Variants in GAD1 observed in about 807,000 individuals in gnomAD.
GAD1 encodes the protein glutamate decarboxylase 1, also known as 67 kDa glutamic acid decarboxylase.
Under a neutral mutation model 75.2 loss-of-function variants are expected in GAD1, and 35 were observed. That is an observed-to-expected ratio of 0.47 (90% CI 0.36 to 0.62). The LOEUF is 0.62. Ranked by LOEUF, GAD1 falls within the 20% of genes least tolerant of loss-of-function variation. The probability of loss-of-function intolerance (pLI) is 0.00; values close to 1 mark genes in which losing one functional copy is unlikely to be tolerated. For synonymous variants in GAD1, 257 were observed against 271.9 expected, an observed-to-expected ratio of 0.95 and a Z score of 0.54; for missense variants, 490 against 758.5, an observed-to-expected ratio of 0.65 and a Z score of 4.16.
At chr2:170,855,490 G>A (rs1055023185) in intron 14 of GAD1, among the ~76,000 whole-genome samples, 1 of 151,734 alleles carries the variant, frequency 6.6e-6, no homozygotes, top group Non-Finnish European at 1.5e-5. Context: ...TTACAGGCGT[G>A]AGCCACCGCA....
chr2:170,827,901 G>C (rs1223464835), intron 3 of GAD1, among the ~76,000 whole-genome samples: 1 of 152,130 alleles, frequency 6.6e-6, no homozygotes, highest in Non-Finnish European at 1.5e-5. Flanking sequence ...TTCAAGGAGA[G>C]GGGGTGGTGC....
At chr2:170,842,865 T>C (rs1702547772) in intron 6 of GAD1, 3 of 732,676 alleles carry the variant, frequency 4.1e-6, no homozygotes, top group Middle Eastern at 3.9e-4. Context: ...CTGTGTCTTA[T>C]GTAAAACAAT....
rs754891860 is a variant in GAD1 at position 170,836,868 on chromosome 2, C to T, written c.623C>T (p.Thr208Met). The T allele has an allele frequency of 1.4e-5, 23 of 1,612,310 alleles. No homozygotes were observed. The highest frequency in any genetic ancestry group is 1.3e-4 in the Admixed American group (8 of 59,990). The change falls in exon 6 of 17, where the codon ACG becomes ATG. Residue 208 changes from threonine to methionine, a missense_variant. Thr to Met is a moderately conservative substitution (Grantham distance 81). Transcript: ENST00000358196. ...IGLAGEWLTS[T>M]ANTNMFTYEI... ...CTAGCTGGAGAATGGCTGACATCAA[C>T]GGCCAATACCAACATGTAAGTCTCA...
chr2:170,859,647 T>A (rs186144501), intron 16 of GAD1, 62 bp from the exon 17 acceptor site: 1 of 1,530,216 alleles, frequency 6.5e-7, no homozygotes, highest in African/African-American at 1.4e-5. Flanking sequence ...TTGGGTTGAA[T>A]TGTTAAAAAG....
rs977181483 is a variant in GAD1 at position 170,857,145 on chromosome 2, C to T, written c.1521+20C>T. 1.3e-6 allele frequency: 2 copies of T among 1,573,714 alleles called. No homozygotes were observed. Among genetic ancestry groups the T allele is most frequent in the African/African-American group, 1.4e-5 (1 of 73,972 alleles). The stretch of plus-strand genomic sequence containing the variant: ...GGCGAGGTAGGTAATCATCATGGAC[C>T]AGGTACACAGTATTTCCAGAAAAAC... On this transcript the variant is annotated intron_variant, in intron 15 of 16. Transcript: ENST00000358196.
chr2:170,852,416 G>A, intron 12 of GAD1: 1 of 424,626 alleles, frequency 2.4e-6, no homozygotes, highest in Non-Finnish European at 4.4e-6. Flanking sequence ...TCCAAAGCCT[G>A]AATTCTTAAC....
chr2:170,829,686 G>T, intron 4 of GAD1, 53 bp downstream of exon 4: 3 of 1,587,154 alleles, frequency 1.9e-6, no homozygotes, highest in Non-Finnish European at 2.6e-6. Flanking sequence ...TCTTATTTGA[G>T]TTTCTTGACT....
chr2:170,831,725 T>TAA (rs201452219), intron 5 of GAD1, among the ~76,000 whole-genome samples: 7,858 of 142,788 alleles, frequency 0.055, 706 homozygotes, highest in African/African-American at 0.19. Flanking sequence ...TTAAAAATAA[T>TAA]AAATTATAAA....
chr2:170,857,795 C>T (rs1255888397), intron 15 of GAD1, among the ~76,000 whole-genome samples: 3 of 152,184 alleles, frequency 2.0e-5, no homozygotes, highest in Non-Finnish European at 4.4e-5. Context: ...AAGTATTTGT[C>T]AGTGTTTACT....
rs1201375784 is a variant in GAD1 at position 170,858,694 on chromosome 2, A to C, written c.1522-110A>C. ...ACATTGCCTTTGAGATGAACATTCAACCTCTTTCTTTGGTCCAAGAGACTT... is the reference window on the plus strand; with the variant it reads ...ACATTGCCTTTGAGATGAACATTCACCCTCTTTCTTTGGTCCAAGAGACTT... On this transcript the variant is annotated intron_variant, in intron 15 of 16. Coordinates refer to ENST00000358196, the MANE Select transcript of GAD1 (RefSeq NM_000817.3). The C allele has an allele frequency of 4.4e-6, 4 of 899,744 alleles. No homozygotes were observed. In the South Asian group the frequency reaches 5.6e-5, roughly 13 times the overall value. The allele number at this position is 899,744 out of a possible 1,614,324, so 55.7% of individuals were successfully genotyped here.
chr2:170,844,411 T>C (rs913702719), intron 7 of GAD1, among the ~76,000 whole-genome samples: 14 of 147,016 alleles, frequency 9.5e-5, no homozygotes, highest in East Asian at 5.8e-4. Context: ...TTTTTTCTTT[T>C]TTTTTTTTTT....
Position 170,825,606 on chromosome 2 carries a change from C to T in GAD1, c.145+3457C>T, listed in dbSNP as rs118127449. On this transcript the variant is annotated intron_variant, in intron 3 of 16. Coordinates refer to ENST00000358196, the MANE Select transcript of GAD1 (RefSeq NM_000817.3). ...CTACACATACCTGTGCGCACATGCA[C>T]GCACACATACACATACACACTCTCT... Among the ~76,000 whole-genome samples the T allele has an allele frequency of 8.1e-4, 124 of 152,334 alleles. 3 individuals are homozygous for T. In the East Asian group the frequency reaches 0.02, roughly 25 times the overall value.
At chr2:170,831,254 G>A in intron 5 of GAD1, 62 bp downstream of exon 5, 3 of 1,570,540 alleles carry the variant, frequency 1.9e-6, no homozygotes, top group Non-Finnish European at 8.8e-7. Context: ...ACCCTTGCCA[G>A]TTGTGAGGAT....
chr2:170,824,801 C>G (rs748302890), intron 3 of GAD1, among the ~76,000 whole-genome samples: 4 of 152,142 alleles, frequency 2.6e-5, no homozygotes, highest in Admixed American at 2.0e-4. Context: ...GACCTAAATA[C>G]GATGAGTTGC....
intron 4 of GAD1, among the ~76,000 whole-genome samples, chr2:170,830,088 C>T (rs1045835787): frequency 1.3e-5 from 2 of 152,200 alleles, no homozygotes; most frequent in East Asian, 3.8e-4. Context: ...ACCCCTGCTG[C>T]CCCACAACAC....
intron 3 of GAD1, chr2:170,828,969 CTCA>C: frequency 4.1e-6 from 1 of 241,620 alleles, no homozygotes; most frequent in South Asian, 5.2e-5. Flanking sequence ...CTCTGCTATC[CTCA>C]TCTTCCTCCC....
intron 3 of GAD1, among the ~76,000 whole-genome samples, chr2:170,823,551 C>T (rs1701947553): frequency 6.6e-6 from 1 of 152,136 alleles, no homozygotes; most frequent in East Asian, 1.9e-4. Flanking sequence ...TTCTCCCCAG[C>T]GCAGGACGCC....
intron 14 of GAD1, among the ~76,000 whole-genome samples, chr2:170,856,541 A>G (rs1182846537): frequency 6.6e-6 from 1 of 152,256 alleles, no homozygotes; most frequent in African/African-American, 2.4e-5. Flanking sequence ...TCATGGACCA[A>G]TACCCTAAAG....
In GAD1 at chr2:170,861,087, G is replaced by A. The variant is rs45537831; in HGVS notation, c.*1205G>A. The A allele has an allele frequency of 5.9e-5, 9 of 152,718 alleles. No homozygotes were observed. Among genetic ancestry groups the A allele is most frequent in the East Asian group, 1.9e-4 (1 of 5,188 alleles). 9.5% of individuals were successfully genotyped at this position (152,718 alleles called of 1,614,324 possible). A position where few individuals can be genotyped will look rare whatever the true frequency, so the allele number is the denominator to read the frequency against. ...TGAAGAAGGGAAATTCACACTGTGC[G>A]TTTTAGAGTATGCAAGAAGAATATA... On this transcript the variant is annotated 3_prime_UTR_variant, in exon 17 of 17. Transcript: ENST00000358196.
Sources: gnomAD v4.1 joint callset for allele counts (sites outside exome capture counted in the v4.1 genomes callset) on GRCh38, gnomAD v4.1.1 for gene constraint, MANE v1.5 for transcripts, NCBI Gene and HGNC (gene_info 2026-07-23, HGNC 2026-07-21) for gene names.